The following CACNA1B variants were observed in gnomAD, a reference collection of about 807,000 sequenced individuals.
The protein encoded by CACNA1B is voltage-dependent N-type calcium channel subunit alpha-1B.
CACNA1B carries 70 observed loss-of-function variants against 247.2 expected under a neutral mutation model. The ratio of observed to expected loss-of-function variants is 0.28; its 90% CI spans 0.23 to 0.35. The LOEUF (loss-of-function observed/expected upper bound fraction) is 0.35. Among genes scored for constraint, CACNA1B ranks in the 10% least tolerant of loss-of-function variants. The pLI is 1.00. For missense variants in CACNA1B, 2,367 were observed against 3,197.4 expected (o/e 0.74, Z 6.26); for synonymous variants, 1,231 against 1,294.4 (o/e 0.95, Z 1.05).
chr9:138,061,510 G>T (rs1011386414), intron 31 of CACNA1B, among the ~76,000 whole-genome samples: 8 of 152,180 alleles, frequency 5.3e-5, no homozygotes, highest in African/African-American at 1.9e-4. Context: ...ACCCCATGAA[G>T]TGTATCACCA....
intron 31 of CACNA1B, among the ~76,000 whole-genome samples, chr9:138,067,742 C>T (rs1455052308): frequency 1.3e-5 from 2 of 152,180 alleles, no homozygotes; most frequent in African/African-American, 4.8e-5. Context: ...GTGGGCGTGC[C>T]AGCCAGCACA....
At chr9:138,002,925 C>T (rs1160650584) in intron 15 of CACNA1B, among the ~76,000 whole-genome samples, 7 of 151,484 alleles carry the variant, frequency 4.6e-5, no homozygotes, top group African/African-American at 7.3e-5. Flanking sequence ...CTCAGCCTCC[C>T]GAATAGCTGG....
rs1956941099 is a variant in CACNA1B, at chr9:137,882,666, G to C, written c.391-78G>C. On this transcript the variant is annotated intron_variant, in intron 2 of 46. Coordinates refer to ENST00000371372, the MANE Select transcript of CACNA1B (RefSeq NM_000718.4). The surrounding 1 kb of genome is among the most constrained non-coding windows in gnomAD (Gnocchi z 4.0). ...GCTGTGGCCTGCACATGGTGGGGTGGGGTCCTCACCAACCGTCTCTGCCCG... is the reference window on the plus strand; with the variant it reads ...GCTGTGGCCTGCACATGGTGGGGTGCGGTCCTCACCAACCGTCTCTGCCCG... 1 of 1,534,318 alleles carries C rather than the reference G, an allele frequency of 6.5e-7. No individual in the cohort carries two copies. The highest frequency in any genetic ancestry group is 1.4e-5 in the African/African-American group (1 of 73,464).
intron 23 of CACNA1B, among the ~76,000 whole-genome samples, chr9:138,048,602 G>A (rs531401750): frequency 9.8e-5 from 15 of 152,312 alleles, no homozygotes; most frequent in Admixed American, 3.3e-4. Flanking sequence ...TGTCACAGGT[G>A]TGCACATAAC....
At position 138,025,192 on chromosome 9, in the gene CACNA1B, A is replaced by C; in HGVS notation, c.3286+20A>C. On this transcript the variant is annotated intron_variant, in intron 20 of 46. Transcript: ENST00000371372. Reference sequence around the variant, plus strand: ...TTCCCAGTGAGTATCTCCCTGTGCCAGTGGGGCAGGGCCCATCTTGTGCAG... The same window carrying C: ...TTCCCAGTGAGTATCTCCCTGTGCCCGTGGGGCAGGGCCCATCTTGTGCAG... The C allele has an allele frequency of 6.4e-7, 1 of 1,551,570 alleles. No homozygotes were observed. Among genetic ancestry groups the C allele is most frequent in the Non-Finnish European group, 8.8e-7 (1 of 1,133,030 alleles).
intron 18 of CACNA1B, among the ~76,000 whole-genome samples, chr9:138,016,061 GAC>G (rs897886991): frequency 7.9e-5 from 12 of 151,444 alleles, no homozygotes; most frequent in Admixed American, 5.3e-4. Context: ...GACTCACACA[GAC>G]ACACACACAC....
In CACNA1B at chr9:137,970,943, CCT is replaced by C. The variant is rs964089907; in HGVS notation, c.1334-439_1334-438del. ...AACAGGCAGCCCATGCGTGCTGACC[CCT>C]GAGTCCGGAGGGCGAGAGAGGGAGG... On this transcript the variant is annotated intron_variant, in intron 10 of 46. Transcript: ENST00000371372. Among the ~76,000 whole-genome samples the C allele has an allele frequency of 3.2e-4, 48 of 152,180 alleles. 1 individual carries two copies. The highest frequency in any genetic ancestry group is 5.9e-4 in the Admixed American group (9 of 15,282).
intron 22 of CACNA1B, 75 bp downstream of exon 22, chr9:138,047,108 G>A: frequency 5.0e-6 from 7 of 1,411,414 alleles, no homozygotes; most frequent in Non-Finnish European, 4.8e-6. Context: ...GGCCCAAGGG[G>A]CTGGGGTGGG....
chr9:138,074,625 C>G (rs1960251300), intron 34 of CACNA1B, among the ~76,000 whole-genome samples: 1 of 152,250 alleles, frequency 6.6e-6, no homozygotes, highest in Non-Finnish European at 1.5e-5. Flanking sequence ...CCAGGGCCAT[C>G]CTGGTGTGGG....
At chr9:137,947,876 T>C (rs62589643) in intron 6 of CACNA1B, among the ~76,000 whole-genome samples, 23,196 of 152,060 alleles carry the variant, frequency 0.15, 2,017 homozygotes, top group East Asian at 0.45. Flanking sequence ...GTCTTTAGTT[T>C]TCAGAAGTTT....
rs187291059 is a variant in CACNA1B at position 137,912,938 on chromosome 9, A to G, written c.531-242A>G. ...TTTGGTCATGTGGGTGATTGTGAAC[A>G]TTCCTGTGAGCGCTTCTGGATTCAG... On this transcript the variant is annotated intron_variant, in intron 3 of 46. Coordinates refer to ENST00000371372, the MANE Select transcript of CACNA1B (RefSeq NM_000718.4). Among the ~76,000 whole-genome samples, 3 of 152,234 alleles carry G rather than the reference A, an allele frequency of 2.0e-5. No homozygotes were observed. The East Asian group carries it at 5.8e-4, about 29-fold the overall frequency.
At chr9:137,938,489 C>T (rs1324116793) in intron 6 of CACNA1B, among the ~76,000 whole-genome samples, 1 of 152,072 alleles carries the variant, frequency 6.6e-6, no homozygotes, top group Admixed American at 6.5e-5. Context: ...AAGGATTCAC[C>T]AACCATCTGC....
chr9:137,955,937 G>T lies in CACNA1B; in HGVS notation c.1186+124G>T, dbSNP rs1957941657. The stretch of plus-strand genomic sequence containing the variant: ...GTAGAGCCTGAAGGGATTTTGTAGT[G>T]AGCAGAGTGAGAAGGGATTTCTCTC... On this transcript the variant is annotated intron_variant, in intron 8 of 46. Transcript: ENST00000371372. The surrounding 1 kb of genome is among the most constrained non-coding windows in gnomAD (Gnocchi z 6.9). 2 of 698,472 alleles carry T rather than the reference G, an allele frequency of 2.9e-6. No individual in the cohort carries two copies. The highest frequency in any genetic ancestry group is 2.7e-5 in the East Asian group (1 of 36,772). 43.3% of individuals were successfully genotyped at this position (698,472 alleles called of 1,614,324 possible). A position where few individuals can be genotyped will look rare whatever the true frequency, so the allele number is the denominator to read the frequency against.
intron 39 of CACNA1B, among the ~76,000 whole-genome samples, chr9:138,107,266 A>ATTTATT (rs1188436196): frequency 2.5e-5 from 2 of 79,544 alleles, no homozygotes. Flanking sequence ...TTATTTATTT[A>ATTTATT]TATAGGGTCT....
rs138816332 is a variant in CACNA1B, at chr9:137,998,373, G to A, written c.1975-8394G>A. ...TGCCTGTAATCCCAGCACTTTGGGA[G>A]GCCGAGGTGGGCAGATCACTTGAGG... is the stretch of plus-strand genomic sequence containing the variant. On this transcript the variant is annotated intron_variant, in intron 15 of 46. Transcript: ENST00000371372. Among the ~76,000 whole-genome samples the A allele has an allele frequency of 3.5e-3, 528 of 152,346 alleles. 1 individual carries two copies. Among genetic ancestry groups the A allele is most frequent in the Middle Eastern group, 0.027 (8 of 294 alleles).
At chr9:138,071,805 C>G (rs1003977788) in intron 32 of CACNA1B, among the ~76,000 whole-genome samples, 3 of 152,166 alleles carry the variant, frequency 2.0e-5, no homozygotes. Flanking sequence ...GTGCCACTGC[C>G]TGACTGTGCT....
At chr9:138,001,994 A>G (rs2133404878) in intron 15 of CACNA1B, among the ~76,000 whole-genome samples, 1 of 152,324 alleles carries the variant, frequency 6.6e-6, no homozygotes, top group East Asian at 1.9e-4. Context: ...TTTATGAATC[A>G]ACGCAATCCT....
intron 15 of CACNA1B, among the ~76,000 whole-genome samples, chr9:137,998,408 C>T (rs966844447): frequency 6.6e-5 from 10 of 152,070 alleles, no homozygotes; most frequent in African/African-American, 2.4e-4. Flanking sequence ...GTCAGGCGTT[C>T]GAGACCAGCT....
In CACNA1B at chr9:138,059,579, C is replaced by T; in HGVS notation, c.4585-75C>T. On this transcript the variant is annotated intron_variant, in intron 30 of 46. Transcript: ENST00000371372. This position sits in a 1 kb window ranked among gnomAD's most constrained non-coding sequence, Gnocchi z 4.2. ...CCCTCACCGCTTTCTTAATCAGGGCCACCACCTATATATACCTCTTTGCCA... is the reference window on the plus strand; with the variant it reads ...CCCTCACCGCTTTCTTAATCAGGGCTACCACCTATATATACCTCTTTGCCA... The T allele has an allele frequency of 2.3e-6, 2 of 875,954 alleles. No individual in the cohort carries two copies. The highest frequency in any genetic ancestry group is 3.9e-6 in the Non-Finnish European group (2 of 514,746). 54.3% of individuals were successfully genotyped at this position (875,954 alleles called of 1,614,324 possible). A position where few individuals can be genotyped will look rare whatever the true frequency, so the allele number is the denominator to read the frequency against.
Sources: allele counts gnomAD v4.1 joint callset (sites outside exome capture counted in the v4.1 genomes callset), GRCh38; gene constraint gnomAD v4.1.1; non-coding constraint Gnocchi (gnomAD v3.1); transcripts MANE v1.5; gene names NCBI Gene and HGNC (gene_info 2026-07-23, HGNC 2026-07-21).